BDKRB2: variants seen among roughly 807,000 people sequenced by gnomAD.
The protein encoded by BDKRB2 is B2 bradykinin receptor.
BDKRB2 carries 6 observed loss-of-function variants against 4.0 expected under a neutral mutation model. The ratio of observed to expected loss-of-function variants is 1.49; its 90% CI spans 0.81 to 2.93. The LOEUF is 2.93. Among genes scored for constraint, BDKRB2 ranks in the 30% most tolerant of loss-of-function variants. The pLI is 0.00. For missense variants in BDKRB2, 478 were observed against 520.1 expected (o/e 0.92, Z 0.79); for synonymous variants, 225 against 215.3 (o/e 1.05, Z -0.40).
At chr14:96,233,116 C>T (rs942799026) in intron 1 of BDKRB2, among the ~76,000 whole-genome samples, 3 of 152,142 alleles carry the variant, frequency 2.0e-5, no homozygotes, top group Non-Finnish European at 2.9e-5. Flanking sequence ...GCCTCGATCA[C>T]CCCGGGCTCA....
Position 96,240,991 on chromosome 14 carries a change from A to G in BDKRB2, c.663A>G (p.Glu221=), listed in dbSNP as rs750517955. The part of the protein sequence containing the change: ...CVISYPSLIW[E]VFTNMLLNVV... ...TCAGCTACCCATCCCTCATCTGGGA[A>G]GTGTTCACCAACATGCTCCTGAATG... is the stretch of plus-strand genomic sequence containing the variant. The change falls in exon 3 of 3, where the codon GAA becomes GAG. Residue 221 remains glutamate, a synonymous_variant. Transcript: ENST00000554311. 2 of 1,599,316 alleles carry G rather than the reference A, an allele frequency of 1.3e-6. No homozygotes were observed. The highest frequency in any genetic ancestry group is 1.7e-4 in the Middle Eastern group (1 of 6,012).
intron 2 of BDKRB2, chr14:96,238,028 T>TAAG: frequency 8.7e-7 from 1 of 1,146,418 alleles, no homozygotes; most frequent in Non-Finnish European, 1.1e-6. Flanking sequence ...CCAAGGGGAC[T>TAAG]ACCCAGGGGA....
In BDKRB2 at chr14:96,237,305, C is replaced by T. The variant is rs1028052842; in HGVS notation, c.74+124C>T. ...TTGAAGGAACCAGTGATGTTAAGCCCAAAGACAAAACCTCTCAGGTGTCCA... is the reference window on the plus strand; with the variant it reads ...TTGAAGGAACCAGTGATGTTAAGCCTAAAGACAAAACCTCTCAGGTGTCCA... On this transcript the variant is annotated intron_variant, in intron 2 of 2. Transcript: ENST00000554311. 1.5e-5 allele frequency: 14 copies of T among 918,890 alleles called. No individual in the cohort carries two copies. In the South Asian group the frequency reaches 2.3e-4, roughly 15 times the overall value. The allele number at this position is 918,890 out of a possible 1,614,324, so 56.9% of individuals were successfully genotyped here.
chr14:96,227,578 AAC>A (rs1256639222), intron 1 of BDKRB2, among the ~76,000 whole-genome samples: 1 of 151,774 alleles, frequency 6.6e-6, no homozygotes, highest in South Asian at 2.1e-4. Context: ...TGTGTGCACA[AAC>A]ACATGCATGC....
chr14:96,214,106 G>T (rs1890363294), intron 1 of BDKRB2, among the ~76,000 whole-genome samples: 1 of 152,170 alleles, frequency 6.6e-6, no homozygotes, highest in Admixed American at 6.5e-5. Flanking sequence ...GCCCCAGTCA[G>T]AGCCCTCTGC....
At chr14:96,236,193 G>A (rs11622490) in intron 1 of BDKRB2, among the ~76,000 whole-genome samples, 38 of 152,100 alleles carry the variant, frequency 2.5e-4, no homozygotes, top group African/African-American at 8.0e-4. Context: ...GTAACCAGCC[G>A]GAGGGACTGG....
At chr14:96,213,797 C>T (rs1237913417) in intron 1 of BDKRB2, among the ~76,000 whole-genome samples, 1 of 152,138 alleles carries the variant, frequency 6.6e-6, no homozygotes, top group Non-Finnish European at 1.5e-5. Flanking sequence ...CCCGACAAAC[C>T]TGCCAAGTAG....
chr14:96,238,981 G>C, intron 2 of BDKRB2: 1 of 985,528 alleles, frequency 1.0e-6, no homozygotes, highest in South Asian at 4.7e-5. Flanking sequence ...ATTGATTTGT[G>C]GGTCCCCCAG....
intron 2 of BDKRB2, chr14:96,239,215 T>C: frequency 1.0e-6 from 1 of 985,070 alleles, no homozygotes; most frequent in Non-Finnish European, 1.2e-6. Context: ...GGGTTGTGCT[T>C]TGGACTTTTC....
intron 2 of BDKRB2, chr14:96,239,703 C>A (rs1351713965): frequency 2.1e-6 from 2 of 934,370 alleles, no homozygotes; most frequent in Non-Finnish European, 2.6e-6. Flanking sequence ...CAGGTGAGGT[C>A]ATTGTGGTTC....
intron 1 of BDKRB2, chr14:96,223,171 G>T (rs1890614140): frequency 8.6e-7 from 1 of 1,167,864 alleles, no homozygotes; most frequent in Non-Finnish European, 1.3e-6. Context: ...GTATCGACAT[G>T]TCATGCTGCC....
At chr14:96,221,397 G>A (rs1890556805) in intron 1 of BDKRB2, among the ~76,000 whole-genome samples, 2 of 152,278 alleles carry the variant, frequency 1.3e-5, no homozygotes, top group South Asian at 4.1e-4. Flanking sequence ...TGCTATTCAT[G>A]GTGGGTGTCC....
chr14:96,212,003 T>A (rs1254141876), intron 1 of BDKRB2, among the ~76,000 whole-genome samples: 1 of 152,116 alleles, frequency 6.6e-6, no homozygotes, highest in Non-Finnish European at 1.5e-5. Flanking sequence ...TATGTGCACA[T>A]CTGCTCCTGA....
At chr14:96,231,118 G>A (rs1890809686) in intron 1 of BDKRB2, among the ~76,000 whole-genome samples, 1 of 152,102 alleles carries the variant, frequency 6.6e-6, no homozygotes, top group Admixed American at 6.6e-5. Context: ...TAAGTTCCGG[G>A]GTATCCAAGG....
In BDKRB2 at chr14:96,207,720, G is replaced by A. The variant is rs1389228876; in HGVS notation, c.-40+2761G>A. ...GTATGTGTAGGCACAGGGGATATAT[G>A]GTAAGTCTCCGTACTTTCTGCTCAA... is the stretch of plus-strand genomic sequence containing the variant. On this transcript the variant is annotated intron_variant, in intron 1 of 2. Transcript: ENST00000554311. 2.0e-5 allele frequency among the ~76,000 whole-genome samples: 3 copies of A among 151,902 alleles called. No individual in the cohort carries two copies. The East Asian group carries it at 5.8e-4, about 29-fold the overall frequency.
At chr14:96,234,602 CA>C (rs1253524471) in intron 1 of BDKRB2, among the ~76,000 whole-genome samples, 2 of 152,370 alleles carry the variant, frequency 1.3e-5, no homozygotes, top group Non-Finnish European at 2.9e-5. Flanking sequence ...ATGGAGAAAA[CA>C]ACTCAGTAGA....
At chr14:96,215,856 A>G (rs574513687) in intron 1 of BDKRB2, among the ~76,000 whole-genome samples, 1 of 152,344 alleles carries the variant, frequency 6.6e-6, no homozygotes, top group East Asian at 1.9e-4. Context: ...CTGAGTAGCA[A>G]TAATCTATCC....
chr14:96,218,433 C>T (rs4905466), intron 1 of BDKRB2, among the ~76,000 whole-genome samples: 133,445 of 152,094 alleles, frequency 0.88, 58,793 homozygotes, highest in East Asian at 0.98. Flanking sequence ...TCACCTAAAC[C>T]TCCATAAGCC....
chr14:96,205,157 G>T (rs1431676149), intron 1 of BDKRB2, among the ~76,000 whole-genome samples, 198 bp downstream of exon 1: 2 of 152,174 alleles, frequency 1.3e-5, no homozygotes, highest in Non-Finnish European at 2.9e-5. Context: ...AGGAGGAATC[G>T]CCCTGTTTGT....
Sources: allele counts gnomAD v4.1 joint callset (sites outside exome capture counted in the v4.1 genomes callset), GRCh38; gene constraint gnomAD v4.1.1; transcripts MANE v1.5; gene names NCBI Gene and HGNC (gene_info 2026-07-23, HGNC 2026-07-21).